Variants in GALNT15 observed in about 807,000 individuals in gnomAD.
GALNT15 encodes polypeptide N-acetylgalactosaminyltransferase 15.
A neutral mutation model predicts 66.8 loss-of-function variants in GALNT15; 67 were observed. That is an observed-to-expected ratio of 1.00 (90% CI 0.82 to 1.23). GALNT15 has a LOEUF of 1.23. Ranked by LOEUF, GALNT15 falls within the 50% of genes most tolerant of loss-of-function variation. The pLI, the probability that GALNT15 is intolerant of heterozygous loss-of-function variation, is 0.00. For missense variants in GALNT15, 827 were observed against 804.3 expected (o/e 1.03, Z -0.34); for synonymous variants, 313 against 311.5 (o/e 1.00, Z -0.05).
Position 16,175,415 on chromosome 3 carries a change from C to A in GALNT15, c.264C>A (p.Ile88=), listed in dbSNP as rs2063394519. Residue 88 remains isoleucine, a synonymous_variant, in exon 1 of 10, where the codon ATC becomes ATA. Transcript: ENST00000339732. This position sits in a 1 kb window ranked among gnomAD's most constrained non-coding sequence, Gnocchi z 5.6. ...YSPLEGLPPF[I]SLREDQLLVA... ...CTCTGGAGGGCCTGCCACCCTTTAT[C>A]TCACTGCGGGAGGATCAGCTGCTGG... 3.1e-6 allele frequency: 5 copies of A among 1,614,204 alleles called. No individual in the cohort carries two copies. Among genetic ancestry groups the A allele is most frequent in the Non-Finnish European group, 3.4e-6 (4 of 1,180,036 alleles).
Position 16,191,746 on chromosome 3 carries a change from C to G in GALNT15, c.540-4014C>G, listed in dbSNP as rs941629502. Among the ~76,000 whole-genome samples the G allele has an allele frequency of 1.3e-5, 2 of 152,132 alleles. No homozygotes were observed. The highest frequency in any genetic ancestry group is 4.2e-4 in the South Asian group (2 of 4,814). ...ACAAATTTCTTTCATTGAAGGAGGC[C>G]CTGCTCCATGCCAGGCACTGTGCCA... is the stretch of plus-strand genomic sequence containing the variant. On this transcript the variant is annotated intron_variant, in intron 1 of 9. Transcript: ENST00000339732. This position sits in a 1 kb window ranked among gnomAD's most constrained non-coding sequence, Gnocchi z 5.2.
At chr3:16,196,044 C>G in intron 2 of GALNT15, 118 bp downstream of exon 2, 1 of 1,009,052 alleles carries the variant, frequency 9.9e-7, no homozygotes, top group African/African-American at 1.6e-5. Flanking sequence ...AACTACAGAC[C>G]TCCAGATGAG....
chr3:16,212,606 G>A lies in GALNT15; in HGVS notation c.1235G>A (p.Cys412Tyr). The stretch of plus-strand genomic sequence containing the variant: ...GGTGGCTCTGTTGAAATCCTTCCCT[G>A]CTCTCGGGTAGGACACATCTACCAA... ...LCGGSVEILP[C>Y]SRVGHIYQNQ... is the part of the protein sequence containing the mutation. The change falls in exon 6 of 10, where the codon TGC becomes TAC. Residue 412 changes from cysteine to tyrosine, a missense_variant. Cys to Tyr is a radical substitution (Grantham distance 194, BLOSUM62 -2). Transcript: ENST00000339732. 1 of 1,613,854 alleles carries A rather than the reference G, an allele frequency of 6.2e-7. No individual in the cohort carries two copies. Among genetic ancestry groups the A allele is most frequent in the Non-Finnish European group, 8.5e-7 (1 of 1,179,980 alleles).
At chr3:16,210,273 G>A (rs1574988255) in intron 4 of GALNT15, among the ~76,000 whole-genome samples, 1 of 152,334 alleles carries the variant, frequency 6.6e-6, no homozygotes, top group East Asian at 1.9e-4. Flanking sequence ...TACAAATTGG[G>A]AGTGGCAGAG....
intron 8 of GALNT15, among the ~76,000 whole-genome samples, chr3:16,220,945 G>A (rs768478256): frequency 3.5e-4 from 54 of 152,326 alleles, no homozygotes; most frequent in Non-Finnish European, 5.9e-4. Flanking sequence ...ATACTGATAG[G>A]CATTCACACC....
chr3:16,208,465 G>A, intron 3 of GALNT15, 38 bp from the exon 4 acceptor site: 2 of 1,605,798 alleles, frequency 1.2e-6, no homozygotes, highest in African/African-American at 2.7e-5. Context: ...GCAAGTAAAT[G>A]CTTTACGTCC....
intron 3 of GALNT15, among the ~76,000 whole-genome samples, chr3:16,207,559 C>A (rs58068369): frequency 1 from 110,849 of 110,896 alleles, 55,402 homozygotes; most frequent in Middle Eastern, 1. Context: ...CCTAAAATTC[C>A]CCACCATTAC....
the GALNT15 span, among the ~76,000 whole-genome samples, chr3:16,242,460 T>A: frequency 6.6e-6 from 1 of 152,114 alleles, no homozygotes. This position sits in a 1 kb window ranked among gnomAD's most constrained non-coding sequence, Gnocchi z 5.6. Context: ...ATATTATGGT[T>A]AAGAAACTCT....
rs1462650506 is a variant in GALNT15 at position 16,195,613 on chromosome 3, CTT to C, written c.540-143_540-142del. The C allele has an allele frequency of 1.7e-6, 1 of 577,444 alleles. No individual in the cohort carries two copies. The highest frequency in any genetic ancestry group is 3.0e-6 in the Non-Finnish European group (1 of 338,766). 35.8% of individuals were successfully genotyped at this position (577,444 alleles called of 1,614,324 possible). ...GCACCACTATGAGGCGTAACAGGTT[CTT>C]TTTATATGGGAATTTTAAGAGATCC... On this transcript the variant is annotated intron_variant, in intron 1 of 9. Transcript: ENST00000339732. The surrounding 1 kb of genome is among the most constrained non-coding windows in gnomAD (Gnocchi z 4.6).
At position 16,211,926 on chromosome 3, in the gene GALNT15, G is replaced by A. The variant is rs1041042044; in HGVS notation, c.1198-643G>A. ...CTATGAGTTTGCTGTGGCACCCTGG[G>A]GCACCTTGGCACATAATTTGGGAAC... On this transcript the variant is annotated intron_variant, in intron 5 of 9. Transcript: ENST00000339732. The surrounding 1 kb of genome is among the most constrained non-coding windows in gnomAD (Gnocchi z 4.3). Among the ~76,000 whole-genome samples, 1 of 152,142 alleles carries A rather than the reference G, an allele frequency of 6.6e-6. No individual in the cohort carries two copies. Among genetic ancestry groups the A allele is most frequent in the South Asian group, 2.1e-4 (1 of 4,826 alleles).
intron 2 of GALNT15, among the ~76,000 whole-genome samples, chr3:16,198,003 A>G (rs1381605332): frequency 2.7e-5 from 3 of 109,932 alleles, no homozygotes. Context: ...ACCAGCAGTC[A>G]GCCCAAGGAG....
At chr3:16,205,421 G>A (rs749779408) in intron 3 of GALNT15, among the ~76,000 whole-genome samples, 9 of 152,208 alleles carry the variant, frequency 5.9e-5, no homozygotes, top group Admixed American at 2.0e-4. Flanking sequence ...ACGTATTTCA[G>A]TGAACCAGTC....
In GALNT15 at chr3:16,192,163, C is replaced by A. The variant is rs188744694; in HGVS notation, c.540-3597C>A. Among the ~76,000 whole-genome samples the A allele has an allele frequency of 2.7e-3, 408 of 152,290 alleles. 4 individuals are homozygous for A. The highest frequency in any genetic ancestry group is 0.014 in the Middle Eastern group (4 of 294). ...TATGTCTGATTCTGAAGTCTAAGTT[C>A]TTTTGACCATCTTACTACAAGGATA... On this transcript the variant is annotated intron_variant, in intron 1 of 9. Coordinates refer to ENST00000339732, the MANE Select transcript of GALNT15 (RefSeq NM_054110.5).
chr3:16,218,441 G>A (rs1669317349), intron 6 of GALNT15, among the ~76,000 whole-genome samples: 1 of 152,058 alleles, frequency 6.6e-6, no homozygotes, highest in Non-Finnish European at 1.5e-5. Flanking sequence ...TAAACTTTTG[G>A]ATACAGTTCT....
At chr3:16,198,766 A>T (rs79459576) in intron 2 of GALNT15, among the ~76,000 whole-genome samples, 21,124 of 140,984 alleles carry the variant, frequency 0.15, 4,680 homozygotes, top group African/African-American at 0.28. Context: ...GACATTGTTC[A>T]CCCTGCAGAA....
At position 16,228,771 on chromosome 3, in the gene GALNT15, A is replaced by C. The variant is rs2064051059; in HGVS notation, c.*1271A>C. On this transcript the variant is annotated 3_prime_UTR_variant, in exon 10 of 10. Transcript: ENST00000339732. ...GAGGAAAATGCCAGAGCCTGAGCCA[A>C]AATTCTTATGACAGGTAACATTTGG... The C allele has an allele frequency of 7.1e-6, 7 of 985,394 alleles. No individual in the cohort carries two copies. Among genetic ancestry groups the C allele is most frequent in the Non-Finnish European group, 8.4e-6 (7 of 829,994 alleles). The allele number at this position is 985,394 out of a possible 1,614,324, so 61.0% of individuals were successfully genotyped here. A position where few individuals can be genotyped will look rare whatever the true frequency, so the allele number is the denominator to read the frequency against.
At chr3:16,190,455 G>T (rs2063562732) in intron 1 of GALNT15, among the ~76,000 whole-genome samples, 1 of 152,074 alleles carries the variant, frequency 6.6e-6, no homozygotes, top group Non-Finnish European at 1.5e-5. Flanking sequence ...TGGCTAACAC[G>T]GTGAAACCCC....
At chr3:16,223,141 G>A (rs1475165226) in intron 9 of GALNT15, among the ~76,000 whole-genome samples, 1 of 152,124 alleles carries the variant, frequency 6.6e-6, no homozygotes, top group Admixed American at 6.6e-5. Flanking sequence ...CCCCCACCAA[G>A]AAACTTTAGA....
Position 16,227,733 on chromosome 3 carries a change from A to T in GALNT15, c.*233A>T. 7.3e-7 allele frequency: 1 copy of T among 1,360,980 alleles called. No homozygotes were observed. The highest frequency in any genetic ancestry group is 9.4e-7 in the Non-Finnish European group (1 of 1,060,898). 84.3% of individuals were successfully genotyped at this position (1,360,980 alleles called of 1,614,324 possible). A position where few individuals can be genotyped will look rare whatever the true frequency, so the allele number is the denominator to read the frequency against. ...AAGGATCCATTGTACCGTTGTCTTC[A>T]TCACTGGGAAATGATTATTACATAG... On this transcript the variant is annotated 3_prime_UTR_variant, in exon 10 of 10. Transcript: ENST00000339732. The surrounding 1 kb of genome is among the most constrained non-coding windows in gnomAD (Gnocchi z 4.5).
Sources: allele counts gnomAD v4.1 joint callset (sites outside exome capture counted in the v4.1 genomes callset), GRCh38; gene constraint gnomAD v4.1.1; non-coding constraint Gnocchi (gnomAD v3.1); transcripts MANE v1.5; gene names NCBI Gene and HGNC (gene_info 2026-07-23, HGNC 2026-07-21).